The following DIP2A variants were observed in gnomAD, a reference collection of about 807,000 sequenced individuals.
The protein encoded by DIP2A is disco-interacting protein 2 homolog A.
A neutral mutation model predicts 177.4 loss-of-function variants in DIP2A; 85 were observed. That is an observed-to-expected ratio of 0.48 (90% confidence interval 0.40 to 0.57). The LOEUF is 0.57. DIP2A is among the 20% of genes least tolerant of loss of function. The pLI is 0.00. For synonymous variants in DIP2A, 886 were observed against 881.8 expected (o/e 1.00, Z -0.08); for missense variants, 1,791 against 2,100.2 (o/e 0.85, Z 2.88).
intron 35 of DIP2A, among the ~76,000 whole-genome samples, chr21:46,565,337 C>T (rs1478888144): frequency 6.6e-6 from 1 of 152,238 alleles, no homozygotes; most frequent in East Asian, 1.9e-4. Context: ...GCTCTCCACT[C>T]TGTAAGAACC....
Position 46,558,211 on chromosome 21 carries a change from C to T in DIP2A, c.3799-12C>T, listed in dbSNP as rs1385049298. On this transcript the variant is annotated splice_polypyrimidine_tract_variant and intron_variant, in intron 31 of 37. Transcript: ENST00000417564. ...GCTGTGGCCGTGGCCTGACCGCTCA[C>T]CCCTCCCGCAGATGAAGGGGGTGAA... 1.9e-6 allele frequency: 3 copies of T among 1,605,214 alleles called. No homozygotes were observed. The highest frequency in any genetic ancestry group is 4.5e-5 in the East Asian group (2 of 44,738).
intron 1 of DIP2A, among the ~76,000 whole-genome samples, chr21:46,472,138 G>C (rs2055440691): frequency 6.6e-6 from 1 of 152,164 alleles, no homozygotes; most frequent in Non-Finnish European, 1.5e-5. Flanking sequence ...CAATAGGACT[G>C]GTGTCCTTAT....
In DIP2A at chr21:46,557,364, G is replaced by A; in HGVS notation, c.3630-221G>A. The A allele has an allele frequency of 1.5e-6, 1 of 650,492 alleles. No homozygotes were observed. The highest frequency in any genetic ancestry group is 2.1e-5 in the South Asian group (1 of 47,722). 40.3% of individuals were successfully genotyped at this position (650,492 alleles called of 1,614,324 possible). A position where few individuals can be genotyped will look rare whatever the true frequency, so the allele number is the denominator to read the frequency against. On this transcript the variant is annotated intron_variant, in intron 30 of 37. Coordinates refer to ENST00000417564, the MANE Select transcript of DIP2A (RefSeq NM_015151.4). This position sits in a 1 kb window ranked among gnomAD's most constrained non-coding sequence, Gnocchi z 6.0. The stretch of plus-strand genomic sequence containing the variant: ...GAATGCCTCTGGAGTGGTGTCCCCG[G>A]ATCCTCTCCAAGTGTTCGGAGCAGA...
At chr21:46,538,773 C>A in intron 16 of DIP2A, 171 bp downstream of exon 16, 1 of 1,004,916 alleles carries the variant, frequency 1.0e-6, no homozygotes, top group Non-Finnish European at 1.4e-6. Flanking sequence ...ACTGGTTTAT[C>A]CCATGCATGT....
chr21:46,545,128 T>A lies in DIP2A; in HGVS notation c.2177-9T>A. The A allele has an allele frequency of 6.4e-7, 1 of 1,566,170 alleles. No homozygotes were observed. The highest frequency in any genetic ancestry group is 8.7e-7 in the Non-Finnish European group (1 of 1,150,650). On this transcript the variant is annotated splice_polypyrimidine_tract_variant and intron_variant, in intron 18 of 37. Coordinates refer to ENST00000417564, the MANE Select transcript of DIP2A (RefSeq NM_015151.4). The stretch of plus-strand genomic sequence containing the variant: ...TCTTGATAATTTTGAGTTTTTTTTC[T>A]CATTTTAGCTAATGTATGTGTTGTG...
intron 16 of DIP2A, 200 bp from the exon 17 acceptor site, chr21:46,539,677 T>A: frequency 1.7e-6 from 1 of 604,548 alleles, no homozygotes; most frequent in South Asian, 1.8e-5. Flanking sequence ...CATCCATGGC[T>A]GTCTGATTTC....
chr21:46,565,805 T>G lies in DIP2A; in HGVS notation c.4257T>G (p.Ser1419Arg). 6.2e-7 allele frequency: 1 copy of G among 1,613,844 alleles called. No individual in the cohort carries two copies. Among genetic ancestry groups the G allele is most frequent in the Non-Finnish European group, 8.5e-7 (1 of 1,179,854 alleles). ...LHADHFSARL[S>R]FGDTQTIWAR... ...CCGACCACTTCAGTGCCCGGCTGAGTTTTGGAGACACACAGACCATCTGGG... is the reference window on the plus strand; with the variant it reads ...CCGACCACTTCAGTGCCCGGCTGAGGTTTGGAGACACACAGACCATCTGGG... Residue 1419 changes from serine to arginine, a missense_variant, in exon 36 of 38, where the codon AGT becomes AGG. Transcript: ENST00000417564.
At chr21:46,559,325 T>G (rs1034630034) in intron 32 of DIP2A, among the ~76,000 whole-genome samples, 1 of 152,218 alleles carries the variant, frequency 6.6e-6, no homozygotes, top group African/African-American at 2.4e-5. Flanking sequence ...CAAGAATAGC[T>G]GGAAGGAAAT....
Position 46,545,997 on chromosome 21 carries a change from G to C in DIP2A, c.2394+36G>C, listed in dbSNP as rs1275086145. The C allele has an allele frequency of 3.1e-6, 5 of 1,613,696 alleles. No homozygotes were observed. The African/African-American group carries it at 6.7e-5, about 22-fold the overall frequency. On this transcript the variant is annotated intron_variant, in intron 20 of 37. Coordinates refer to ENST00000417564, the MANE Select transcript of DIP2A (RefSeq NM_015151.4). ...CCTCCTGTACCAGCACTGGCAGTCA[G>C]AGAAGGTAGGGGGTGTGGCTAAGGG...
chr21:46,526,481 G>A (rs1479991580), intron 8 of DIP2A, among the ~76,000 whole-genome samples: 3 of 150,152 alleles, frequency 2.0e-5, no homozygotes, highest in South Asian at 2.1e-4. Context: ...TGCAACCTCC[G>A]CCTCCTGGAT....
At chr21:46,578,389 C>T in the DIP2A span, among the ~76,000 whole-genome samples, 1 of 152,184 alleles carries the variant, frequency 6.6e-6, no homozygotes, top group African/African-American at 2.4e-5. Flanking sequence ...GATATAGGAT[C>T]ATGTCATCTG....
At chr21:46,541,041 C>G (rs1356974553) in intron 17 of DIP2A, among the ~76,000 whole-genome samples, 2 of 151,654 alleles carry the variant, frequency 1.3e-5, no homozygotes, top group Non-Finnish European at 2.9e-5. Context: ...AAAAAGTTAC[C>G]CTATTTAATC....
chr21:46,566,770 A>G (rs1433569157), intron 37 of DIP2A, 87 bp downstream of exon 37: 7 of 1,546,002 alleles, frequency 4.5e-6, no homozygotes, highest in Middle Eastern at 3.5e-4. Flanking sequence ...GGAGCAGAGC[A>G]AGGACTGCTG....
chr21:46,551,994 T>C, intron 25 of DIP2A, 90 bp downstream of exon 25: 1 of 1,421,286 alleles, frequency 7.0e-7, no homozygotes, highest in Non-Finnish European at 9.6e-7. Context: ...AGTGTCCTGG[T>C]TGTTCTCATG....
chr21:46,519,171 T>C (rs1009391426), intron 8 of DIP2A, among the ~76,000 whole-genome samples: 6 of 152,174 alleles, frequency 3.9e-5, no homozygotes, highest in Non-Finnish European at 8.8e-5. Context: ...AAGTAGTATA[T>C]AATGAGCAGT....
intron 11 of DIP2A, 22 bp from the exon 12 acceptor site, chr21:46,533,982 G>A: frequency 1.9e-6 from 3 of 1,601,798 alleles, no homozygotes; most frequent in Non-Finnish European, 2.6e-6. Context: ...TTGCTGTTCT[G>A]TGTCCTGTCT....
chr21:46,535,648 G>T (rs1460595016), intron 13 of DIP2A, among the ~76,000 whole-genome samples: 1 of 152,182 alleles, frequency 6.6e-6, no homozygotes, highest in Non-Finnish European at 1.5e-5. Context: ...CACAGCTAAA[G>T]CTTTTACTTG....
At chr21:46,464,846 A>C (rs1220314961) in intron 1 of DIP2A, among the ~76,000 whole-genome samples, 6 of 52,138 alleles carry the variant, frequency 1.2e-4, no homozygotes, top group Admixed American at 2.1e-4. Context: ...TTTTTTTTTC[A>C]AGAAAACACA....
At chr21:46,560,987 G>A (rs982015241) in intron 33 of DIP2A, 2 of 985,330 alleles carry the variant, frequency 2.0e-6, no homozygotes, top group African/African-American at 3.5e-5. Flanking sequence ...GGAGAGCTGT[G>A]TGCCCCACTC....
Sources: allele counts gnomAD v4.1 joint callset (sites outside exome capture counted in the v4.1 genomes callset), GRCh38; gene constraint gnomAD v4.1.1; non-coding constraint Gnocchi (gnomAD v3.1); transcripts MANE v1.5; gene names NCBI Gene and HGNC (gene_info 2026-07-23, HGNC 2026-07-21).